The following MDFIC variants were observed in gnomAD, a reference collection of about 807,000 sequenced individuals.
MDFIC encodes myoD family inhibitor domain-containing protein.
In MDFIC, 17 loss-of-function variants were observed where a neutral mutation model predicts 23.2. The ratio of observed to expected loss-of-function variants is 0.73; its 90% confidence interval spans 0.50 to 1.10. The LOEUF is 1.10. Ranked by LOEUF, MDFIC falls within the 50% of genes least tolerant of loss-of-function variation. MDFIC has a pLI of 0.00. For synonymous variants in MDFIC, 120 were observed against 115.2 expected, an observed-to-expected ratio of 1.04 and a Z score of -0.27; for missense variants, 356 against 316.6, an observed-to-expected ratio of 1.12 and a Z score of -0.95.
At chr7:114,938,611 G>A (rs1792478031) in intron 2 of MDFIC, among the ~76,000 whole-genome samples, 1 of 152,086 alleles carries the variant, frequency 6.6e-6, no homozygotes, top group Non-Finnish European at 1.5e-5. Context: ...CCAAAGTAGA[G>A]GACCATTGGC....
intron 2 of MDFIC, among the ~76,000 whole-genome samples, chr7:114,925,535 A>T (rs765456362): frequency 3.3e-5 from 5 of 152,194 alleles, no homozygotes; most frequent in Non-Finnish European, 7.3e-5. Context: ...AAGCATTACA[A>T]ATCTTTCCCA....
chr7:114,926,976 C>T (rs1466458930), intron 2 of MDFIC, among the ~76,000 whole-genome samples: 1 of 152,144 alleles, frequency 6.6e-6, no homozygotes, highest in Admixed American at 6.5e-5. Context: ...CTTCAGGACA[C>T]ATTTGGCAAT....
At chr7:114,998,469 A>G (rs73719558) in intron 4 of MDFIC, among the ~76,000 whole-genome samples, 1,568 of 152,262 alleles carry the variant, frequency 0.01, 20 homozygotes, top group African/African-American at 0.036. Context: ...AGCTGGACTA[A>G]AGAAACATAC....
Position 114,922,916 on chromosome 7 carries a change from T to A in MDFIC, c.-107-11T>A. 1.3e-6 allele frequency: 2 copies of A among 1,581,556 alleles called. No homozygotes were observed. The highest frequency in any genetic ancestry group is 1.7e-6 in the Non-Finnish European group (2 of 1,164,990). ...CATTTTTTTTTTTAATTTTGTATAT[T>A]TTTCCGCCAGAAGCAGTCAGTTCCC... On this transcript the variant is annotated splice_polypyrimidine_tract_variant and intron_variant, in intron 1 of 4. Coordinates refer to ENST00000393486, the MANE Select transcript of MDFIC (RefSeq NM_001166345.3).
intron 4 of MDFIC, among the ~76,000 whole-genome samples, chr7:114,980,597 A>G (rs1402980083): frequency 6.6e-6 from 1 of 152,184 alleles, no homozygotes; most frequent in African/African-American, 2.4e-5. Context: ...ATATTTAAGG[A>G]TCCAAATTTC....
intron 4 of MDFIC, among the ~76,000 whole-genome samples, chr7:115,007,431 G>C (rs568365526): frequency 6.6e-6 from 1 of 151,818 alleles, no homozygotes; most frequent in Admixed American, 6.6e-5. Flanking sequence ...GTATGTGAAT[G>C]TAAATATTAT....
intron 4 of MDFIC, among the ~76,000 whole-genome samples, chr7:114,998,016 T>G (rs1791376573): frequency 6.6e-6 from 1 of 152,168 alleles, no homozygotes; most frequent in Non-Finnish European, 1.5e-5. Flanking sequence ...AAATATTTTA[T>G]CATTTGGGAC....
rs1435624688 is a variant in MDFIC, at chr7:114,975,781, T to C, written c.218-3725T>C. Among the ~76,000 whole-genome samples the C allele has an allele frequency of 2.0e-5, 3 of 152,268 alleles. No homozygotes were observed. The East Asian group carries it at 5.8e-4, about 29-fold the overall frequency. The stretch of plus-strand genomic sequence containing the variant: ...TAAATTTAATTTCTGTTGAGATAGC[T>C]AATGTATTTAAGGCTTATCCAGTTT... On this transcript the variant is annotated intron_variant, in intron 3 of 4. Transcript: ENST00000393486.
intron 3 of MDFIC, among the ~76,000 whole-genome samples, chr7:114,956,528 C>A (rs973820899): frequency 6.6e-6 from 1 of 151,924 alleles, no homozygotes; most frequent in Non-Finnish European, 1.5e-5. Context: ...TTTTAATGTG[C>A]GGTAAATATG....
intron 3 of MDFIC, among the ~76,000 whole-genome samples, chr7:114,952,368 G>A (rs566452031): frequency 6.0e-4 from 92 of 152,074 alleles, no homozygotes; most frequent in African/African-American, 2.2e-3. Flanking sequence ...AGAGGGGCTG[G>A]TGGAAATCCC....
At chr7:114,954,602 T>G (rs1792850504) in intron 3 of MDFIC, among the ~76,000 whole-genome samples, 1 of 152,206 alleles carries the variant, frequency 6.6e-6, no homozygotes, top group African/African-American at 2.4e-5. Flanking sequence ...TATTGCCTTT[T>G]GATTTTATAA....
intron 3 of MDFIC, among the ~76,000 whole-genome samples, chr7:114,977,249 A>G (rs1279837530): frequency 6.6e-6 from 1 of 152,140 alleles, no homozygotes; most frequent in Non-Finnish European, 1.5e-5. Context: ...GGGGGGCATC[A>G]AGGCTTTTAG....
chr7:114,949,716 T>C (rs1471899934), intron 3 of MDFIC, among the ~76,000 whole-genome samples: 1 of 152,182 alleles, frequency 6.6e-6, no homozygotes, highest in East Asian at 1.9e-4. Flanking sequence ...TATTGTGATA[T>C]GATAATGTGT....
rs1166436020 is a variant in MDFIC, at chr7:114,923,760, AAACGAGTTGAACCTTTCTTCTCTTG to A, written c.94+636_94+660del. 5.7e-6 allele frequency: 5 copies of A among 880,920 alleles called. No individual in the cohort carries two copies. The African/African-American group carries it at 8.6e-5, about 15-fold the overall frequency. The allele number at this position is 880,920 out of a possible 1,614,324, so 54.6% of individuals were successfully genotyped here. A position where few individuals can be genotyped will look rare whatever the true frequency, so the allele number is the denominator to read the frequency against. ...TGGGAAACTTCCATAACAAGCTTCTAAACGAGTTGAACCTTTCTTCTCTTGAAGGCAATATACTTTAGGTTTCCAT... is the reference window on the plus strand; with the variant it reads ...TGGGAAACTTCCATAACAAGCTTCTAAAGGCAATATACTTTAGGTTTCCAT... On this transcript the variant is annotated intron_variant, in intron 2 of 4. Transcript: ENST00000393486.
At chr7:114,944,114 A>G (rs1428032754) in intron 3 of MDFIC, among the ~76,000 whole-genome samples, 7 of 152,190 alleles carry the variant, frequency 4.6e-5, no homozygotes, top group African/African-American at 1.7e-4. Flanking sequence ...AATATATTGT[A>G]AATTGCATGA....
chr7:115,012,328 A>T (rs1044566650), intron 4 of MDFIC, among the ~76,000 whole-genome samples: 1 of 152,246 alleles, frequency 6.6e-6, no homozygotes, highest in African/African-American at 2.4e-5. Flanking sequence ...AACATGAAAA[A>T]ATGTCCAAAC....
chr7:114,953,473 G>A (rs140576710), intron 3 of MDFIC, among the ~76,000 whole-genome samples: 1 of 152,280 alleles, frequency 6.6e-6, no homozygotes, highest in East Asian at 1.9e-4. Flanking sequence ...TTTGAAGCTA[G>A]TTACCAATCT....
At chr7:114,983,903 A>G (rs572467400) in intron 4 of MDFIC, among the ~76,000 whole-genome samples, 25 of 152,194 alleles carry the variant, frequency 1.6e-4, no homozygotes, top group Non-Finnish European at 3.1e-4. Flanking sequence ...CTTCTCTCAC[A>G]TGAACTCATT....
chr7:114,970,839 G>C (rs1793191138), intron 3 of MDFIC, among the ~76,000 whole-genome samples: 1 of 152,152 alleles, frequency 6.6e-6, no homozygotes, highest in Admixed American at 6.6e-5. Context: ...TGGCTACCAA[G>C]GCTGTTCCTT....
Sources: gnomAD v4.1 joint callset for allele counts (sites outside exome capture counted in the v4.1 genomes callset) on GRCh38, gnomAD v4.1.1 for gene constraint, MANE v1.5 for transcripts, NCBI Gene and HGNC (gene_info 2026-07-23, HGNC 2026-07-21) for gene names.